The following RBFOX1 variants were observed in gnomAD, a reference collection of about 807,000 sequenced individuals.
RBFOX1 encodes RNA binding protein fox-1 homolog 1.
A neutral mutation model predicts 57.7 loss-of-function variants in RBFOX1; 8 were observed. That is an observed-to-expected ratio of 0.14 (90% confidence interval 0.08 to 0.25). The LOEUF (loss-of-function observed/expected upper bound fraction) is 0.25, where lower values mean the gene tolerates loss of function less well. Among genes scored for constraint, RBFOX1 ranks in the 10% least tolerant of loss-of-function variants. The pLI, the probability that RBFOX1 is intolerant of heterozygous loss-of-function variation, is 1.00. For missense variants in RBFOX1, 611 were observed against 548.5 expected, an observed-to-expected ratio of 1.11 and a Z score of -1.14; for synonymous variants, 326 against 222.4, an observed-to-expected ratio of 1.47 and a Z score of -4.15.
Position 6,386,142 on chromosome 16 carries a change from A to T in RBFOX1, c.-64+69085A>T, listed in dbSNP as rs2152924903. ...AGTAGAGACGGGGTTTCACCGTGTCACTCAGGATGGTCTCGATGTCCTGGC... is the reference window on the plus strand; with the variant it reads ...AGTAGAGACGGGGTTTCACCGTGTCTCTCAGGATGGTCTCGATGTCCTGGC... On this transcript the variant is annotated intron_variant, in intron 2 of 15. Transcript: ENST00000550418. 1.3e-5 allele frequency among the ~76,000 whole-genome samples: 2 copies of T among 151,860 alleles called. 1 individual carries two copies. Among genetic ancestry groups the T allele is most frequent in the East Asian group, 3.9e-4 (2 of 5,122 alleles).
chr16:6,880,391 C>T (rs2062696149), intron 3 of RBFOX1, among the ~76,000 whole-genome samples: 1 of 152,166 alleles, frequency 6.6e-6, no homozygotes, highest in Non-Finnish European at 1.5e-5. Context: ...CTGCAACCCA[C>T]CGCCCTGTTG....
Position 7,653,955 on chromosome 16 carries a change from G to T in RBFOX1, c.890+8G>T. On this transcript the variant is annotated splice_region_variant and intron_variant, in intron 12 of 15. Coordinates refer to ENST00000550418, the MANE Select transcript of RBFOX1 (RefSeq NM_018723.4). ...GATCCCGGCCTACGGCGGGTAAGTG[G>T]GGCAGCCTCCTGGGTGGGCCTCCCT... 1 of 1,501,540 alleles carries T rather than the reference G, an allele frequency of 6.7e-7. No homozygotes were observed. The highest frequency in any genetic ancestry group is 1.3e-5 in the South Asian group (1 of 77,388). The allele number at this position is 1,501,540 out of a possible 1,614,324, so 93.0% of individuals were successfully genotyped here.
At chr16:7,519,805 T>G in intron 5 of RBFOX1, 1 of 828,318 alleles carries the variant, frequency 1.2e-6, no homozygotes. Context: ...ATACATTTCC[T>G]GTGATAAAAG....
chr16:5,371,530 A>AT (rs1177668176), intron 1 of RBFOX1, among the ~76,000 whole-genome samples: 11 of 152,182 alleles, frequency 7.2e-5, no homozygotes, highest in Non-Finnish European at 7.3e-5. Flanking sequence ...CACCTGTGAC[A>AT]TTTTGTTATG....
At chr16:7,076,466 G>C (rs2058319078) in intron 4 of RBFOX1, among the ~76,000 whole-genome samples, 2 of 152,204 alleles carry the variant, frequency 1.3e-5, no homozygotes, top group South Asian at 2.1e-4. Context: ...GGATATACCA[G>C]ATTTCTTGGT....
chr16:5,386,708 T>TC (rs1442475679), intron 1 of RBFOX1, among the ~76,000 whole-genome samples: 1 of 152,010 alleles, frequency 6.6e-6, no homozygotes, highest in Non-Finnish European at 1.5e-5. Context: ...CCTCCTTGAT[T>TC]CCCCCAGCAG....
chr16:5,815,943 T>A (rs1268417698), intron 3 of RBFOX1, among the ~76,000 whole-genome samples: 9 of 152,112 alleles, frequency 5.9e-5, no homozygotes, highest in African/African-American at 1.9e-4. Context: ...GGTATTACAA[T>A]TGGTTAAAAT....
At chr16:7,132,909 GT>G (rs1170827271) in intron 4 of RBFOX1, among the ~76,000 whole-genome samples, 4 of 152,124 alleles carry the variant, frequency 2.6e-5, no homozygotes, top group Non-Finnish European at 4.4e-5. Context: ...CATAAAAATT[GT>G]GCCCATTTTA....
chr16:5,568,844 TTTG>T lies in RBFOX1; in HGVS notation c.259-30045_259-30043del, dbSNP rs550322063. Among the ~76,000 whole-genome samples, 504 of 152,110 alleles carry T rather than the reference TTTG, an allele frequency of 3.3e-3. 3 individuals carry two copies. The highest frequency in any genetic ancestry group is 0.011 in the African/African-American group (469 of 41,486). The stretch of plus-strand genomic sequence containing the variant: ...TTGGGAAATCATGACATCGGTTCTT[TTTG>T]TTGTTGTTGTTGAGATGGAGTCTTG... On this transcript the variant is annotated intron_variant, in intron 2 of 2. Coordinates refer to the RBFOX1 transcript ENST00000585867.
chr16:6,804,461 A>C (rs144140634), intron 3 of RBFOX1, among the ~76,000 whole-genome samples: 44 of 152,298 alleles, frequency 2.9e-4, no homozygotes, highest in African/African-American at 1.0e-3. Context: ...TGGATGGTAC[A>C]CGCCCTCCAA....
At chr16:6,687,599 G>A (rs1312562696) in intron 3 of RBFOX1, among the ~76,000 whole-genome samples, 1 of 152,166 alleles carries the variant, frequency 6.6e-6, no homozygotes, top group Non-Finnish European at 1.5e-5. Flanking sequence ...ATTAACTTCA[G>A]GTCTAATAGT....
chr16:7,534,967 A>C (rs1216989868), intron 5 of RBFOX1, among the ~76,000 whole-genome samples: 1 of 152,174 alleles, frequency 6.6e-6, no homozygotes, highest in East Asian at 1.9e-4. Flanking sequence ...CTTGGTAATG[A>C]CACTGTAGAC....
intron 3 of RBFOX1, among the ~76,000 whole-genome samples, chr16:6,768,919 G>C (rs943968807): frequency 1.3e-5 from 2 of 151,958 alleles, no homozygotes; most frequent in Non-Finnish European, 2.9e-5. Context: ...AGGAGAGATG[G>C]GGTTTCACCA....
chr16:6,963,996 C>T (rs1442764968), intron 3 of RBFOX1, among the ~76,000 whole-genome samples: 3 of 151,080 alleles, frequency 2.0e-5, no homozygotes, highest in African/African-American at 4.9e-5. Flanking sequence ...CTGCGCCCAG[C>T]CCCGGATTTA....
At chr16:7,482,492 T>TTG (rs199943112) in intron 4 of RBFOX1, among the ~76,000 whole-genome samples, 1 of 149,704 alleles carries the variant, frequency 6.7e-6, no homozygotes, top group South Asian at 2.1e-4. Flanking sequence ...GTTGTTGTTG[T>TTG]TGTTTCTTAA....
At chr16:6,954,317 G>A (rs1016189612) in intron 3 of RBFOX1, among the ~76,000 whole-genome samples, 1 of 152,200 alleles carries the variant, frequency 6.6e-6, no homozygotes. Flanking sequence ...TATTTATGGC[G>A]TTTTAAGGTC....
intron 2 of RBFOX1, among the ~76,000 whole-genome samples, chr16:6,562,061 T>C (rs2097186136): frequency 6.6e-6 from 1 of 152,202 alleles, no homozygotes; most frequent in Non-Finnish European, 1.5e-5. Flanking sequence ...ATATTACTCA[T>C]TTCCATCATT....
intron 3 of RBFOX1, among the ~76,000 whole-genome samples, chr16:5,762,532 T>C (rs2053627375): frequency 6.6e-6 from 1 of 152,216 alleles, no homozygotes; most frequent in East Asian, 1.9e-4. Context: ...GTTTGTGCTT[T>C]GACCCGGCAA....
intron 1 of RBFOX1, among the ~76,000 whole-genome samples, chr16:6,314,493 C>G (rs1398511798): frequency 6.6e-6 from 1 of 152,102 alleles, no homozygotes; most frequent in African/African-American, 2.4e-5. Flanking sequence ...TCTCAAGACT[C>G]CAGACCTTCC....
Sources: gnomAD v4.1 joint callset for allele counts (sites outside exome capture counted in the v4.1 genomes callset) on GRCh38, gnomAD v4.1.1 for gene constraint, MANE v1.5 for transcripts, NCBI Gene and HGNC (gene_info 2026-07-23, HGNC 2026-07-21) for gene names.